Variants in ZCCHC8 observed in about 807,000 individuals in gnomAD.
The protein encoded by ZCCHC8 is zinc finger CCHC domain-containing protein 8.
A neutral mutation model predicts 70.6 loss-of-function variants in ZCCHC8; 27 were observed. The observed-to-expected ratio is 0.38, with a 90% CI of 0.28 to 0.53. The LOEUF is 0.53. Ranked by LOEUF, ZCCHC8 falls within the 20% of genes least tolerant of loss-of-function variation. ZCCHC8 has a pLI of 0.81. For synonymous variants in ZCCHC8, 293 were observed against 317.4 expected (o/e 0.92, Z 0.82); for missense variants, 737 against 876.9 (o/e 0.84, Z 2.01).
intron 13 of ZCCHC8, among the ~76,000 whole-genome samples, chr12:122,476,817 G>A (rs1957427323): frequency 6.6e-6 from 1 of 152,038 alleles, no homozygotes; most frequent in Non-Finnish European, 1.5e-5. Context: ...GAGGTCAGGA[G>A]CTCAAGACCA....
Position 122,483,051 on chromosome 12 carries a change from A to G in ZCCHC8, c.671+228T>C, listed in dbSNP as rs1957567194. 4 of 557,034 alleles carry G rather than the reference A, an allele frequency of 7.2e-6. No individual in the cohort carries two copies. The highest frequency in any genetic ancestry group is 3.0e-5 in the East Asian group (1 of 33,674). 34.5% of individuals were successfully genotyped at this position (557,034 alleles called of 1,614,324 possible). ...GACTGCAATCAAATTGACAGCAACA[A>G]TTATACCTTTCCACCCACCCAGGCA... On this transcript the variant is annotated intron_variant, in intron 7 of 13. Transcript: ENST00000633063. The surrounding 1 kb of genome is among the most constrained non-coding windows in gnomAD (Gnocchi z 4.4).
chr12:122,488,381 T>C (rs1330521885), intron 5 of ZCCHC8, among the ~76,000 whole-genome samples: 1 of 151,992 alleles, frequency 6.6e-6, no homozygotes, highest in Non-Finnish European at 1.5e-5. Flanking sequence ...GTTCTGGCTA[T>C]GTTGCCCAGG....
At chr12:122,490,237 C>T (rs899077364) in intron 4 of ZCCHC8, among the ~76,000 whole-genome samples, 4 of 151,974 alleles carry the variant, frequency 2.6e-5, no homozygotes, top group African/African-American at 9.7e-5. Flanking sequence ...AATTTTCTAC[C>T]CAAAACCACA....
At chr12:122,495,847 C>CAAAAAAAAAAAAAAA (rs538311699) in intron 2 of ZCCHC8, among the ~76,000 whole-genome samples, 1 of 78,320 alleles carries the variant, frequency 1.3e-5, no homozygotes. Context: ...CACTCTGTCT[C>CAAAAAAAAAAAAAAA]AAAAAAAAAA....
chr12:122,491,353 A>G (rs933826418), intron 3 of ZCCHC8, among the ~76,000 whole-genome samples: 23 of 152,074 alleles, frequency 1.5e-4, no homozygotes, highest in African/African-American at 5.1e-4. Flanking sequence ...ACATGGCGAA[A>G]CCCTGTCTCT....
rs1274770725 is a variant in ZCCHC8 at position 122,498,882 on chromosome 12, TAAGG to T, written c.200-17_200-14del. ...TTAAGTTCTTGATGTTATTATTTGT[TAAGG>T]AAGATAAGCCCTCATTTAACAATGC... On this transcript the variant is annotated splice_polypyrimidine_tract_variant and intron_variant, in intron 1 of 13. Coordinates refer to ENST00000633063, the MANE Select transcript of ZCCHC8 (RefSeq NM_017612.5). 2 of 1,610,490 alleles carry T rather than the reference TAAGG, an allele frequency of 1.2e-6. No individual in the cohort carries two copies. The highest frequency in any genetic ancestry group is 1.7e-6 in the Non-Finnish European group (2 of 1,177,106).
In ZCCHC8 at chr12:122,500,416, C is replaced by T; in HGVS notation, c.199+226G>A. 1.7e-6 allele frequency: 1 copy of T among 598,130 alleles called. No homozygotes were observed. The highest frequency in any genetic ancestry group is 4.6e-4 in the Middle Eastern group (1 of 2,170). 37.1% of individuals were successfully genotyped at this position (598,130 alleles called of 1,614,324 possible). On this transcript the variant is annotated intron_variant, in intron 1 of 13. Transcript: ENST00000633063. The surrounding 1 kb of genome is among the most constrained non-coding windows in gnomAD (Gnocchi z 4.8). Reference sequence around the variant, plus strand: ...GGTGGGAGGCAGGAGTGGGTCTGGTCAGGAGACGGCCTCCCTGAGGGGAAG... The same window carrying T: ...GGTGGGAGGCAGGAGTGGGTCTGGTTAGGAGACGGCCTCCCTGAGGGGAAG...
Position 122,495,198 on chromosome 12 carries a change from A to G in ZCCHC8, c.243-2409T>C, listed in dbSNP as rs548780768. Among the ~76,000 whole-genome samples, 12 of 152,312 alleles carry G rather than the reference A, an allele frequency of 7.9e-5. No individual in the cohort carries two copies. In the South Asian group the frequency reaches 2.3e-3, roughly 29 times the overall value. On this transcript the variant is annotated intron_variant, in intron 2 of 13. Coordinates refer to ENST00000633063, the MANE Select transcript of ZCCHC8 (RefSeq NM_017612.5). ...ATTTTTTGTATATTTTCACAATAAAAGTAGAAGAAGGCCAGGGAAAGTAGC... is the reference window on the plus strand; with the variant it reads ...ATTTTTTGTATATTTTCACAATAAAGGTAGAAGAAGGCCAGGGAAAGTAGC...
Position 122,474,064 on chromosome 12 carries a change from T to A in ZCCHC8, c.1557A>T (p.Glu519Asp). 3.9e-6 allele frequency: 6 copies of A among 1,524,568 alleles called. No homozygotes were observed. Among genetic ancestry groups the A allele is most frequent in the Non-Finnish European group, 5.3e-6 (6 of 1,139,068 alleles). The allele number at this position is 1,524,568 out of a possible 1,614,324, so 94.4% of individuals were successfully genotyped here. The change falls in exon 14 of 14, where the codon GAA becomes GAT. Residue 519 changes from glutamate to aspartate, a missense_variant. Transcript: ENST00000633063. Reference protein sequence around the residue: ...AVDEDALTLEELEEQQRRIWA... With the variant: ...AVDEDALTLEDLEEQQRRIWA... Reference sequence around the variant, plus strand: ...AGATCCGCCTCTGCTGTTCTTCAAGTTCTTCTAGAGTCAGTGCGTCCTCAT... The same window carrying A: ...AGATCCGCCTCTGCTGTTCTTCAAGATCTTCTAGAGTCAGTGCGTCCTCAT...
At chr12:122,499,916 C>T (rs1461361800) in intron 1 of ZCCHC8, 1 of 151,962 alleles carries the variant, frequency 6.6e-6, no homozygotes, top group African/African-American at 2.4e-5. Flanking sequence ...GGAAAACTAC[C>T]CGAACCAAAG....
At position 122,500,399 on chromosome 12, in the gene ZCCHC8, G is replaced by C. The variant is rs1957903775; in HGVS notation, c.199+243C>G. On this transcript the variant is annotated intron_variant, in intron 1 of 13. Transcript: ENST00000633063. The surrounding 1 kb of genome is among the most constrained non-coding windows in gnomAD (Gnocchi z 4.8). ...CCTAAACACGGCACCCGGGTGGGAG[G>C]CAGGAGTGGGTCTGGTCAGGAGACG... 1 of 542,680 alleles carries C rather than the reference G, an allele frequency of 1.8e-6. No homozygotes were observed. The highest frequency in any genetic ancestry group is 3.4e-5 in the Admixed American group (1 of 29,548). 33.6% of individuals were successfully genotyped at this position (542,680 alleles called of 1,614,324 possible).
Position 122,477,935 on chromosome 12 carries a change from CTT to C in ZCCHC8, c.1249_1250del (p.Lys417GlufsTer7). The C allele has an allele frequency of 1.2e-6, 2 of 1,613,950 alleles. No homozygotes were observed. Among genetic ancestry groups the C allele is most frequent in the Non-Finnish European group, 1.7e-6 (2 of 1,179,848 alleles). On this transcript the variant is annotated frameshift_variant, in exon 13 of 14. Transcript: ENST00000633063. LOFTEE classifies it high-confidence loss of function. Reference protein sequence around the residue: ...FQAPGVKSGNKRSSSHSSPGS... With the variant: ...FQAPGVKSGNXRSSSHSSPGS... ...CTGGGCTAGAGTGAGATGAAGACCTCTTGTTGCCAGACTTCACACCTGGCTAA... is the reference window on the plus strand; with the variant it reads ...CTGGGCTAGAGTGAGATGAAGACCTCGTTGCCAGACTTCACACCTGGCTAA...
chr12:122,485,783 G>A (rs1286200407), intron 5 of ZCCHC8, among the ~76,000 whole-genome samples: 1 of 151,134 alleles, frequency 6.6e-6, no homozygotes, highest in African/African-American at 2.4e-5. Flanking sequence ...CCATTCTCCC[G>A]CCTCAGCCTC....
Position 122,483,416 on chromosome 12 carries a change from A to AAACAATTTAAAG in ZCCHC8, c.605+43_605+44insCTTTAAATTGTT. On this transcript the variant is annotated intron_variant, in intron 6 of 13. Transcript: ENST00000633063. The surrounding 1 kb of genome is among the most constrained non-coding windows in gnomAD (Gnocchi z 4.4). Reference sequence around the variant, plus strand: ...TGGAAATTGTTTTAAAGGTGAACTTAGTGGCAAGATGCATAAAAGATCTTC... The same window carrying AAACAATTTAAAG: ...TGGAAATTGTTTTAAAGGTGAACTTAAACAATTTAAAGGTGGCAAGATGCATAAAAGATCTTC... The AAACAATTTAAAG allele has an allele frequency of 6.4e-7, 1 of 1,570,030 alleles. No individual in the cohort carries two copies. The highest frequency in any genetic ancestry group is 8.7e-7 in the Non-Finnish European group (1 of 1,155,136).
chr12:122,492,427 CA>C (rs1957763611), intron 3 of ZCCHC8, among the ~76,000 whole-genome samples: 1 of 152,148 alleles, frequency 6.6e-6, no homozygotes, highest in Admixed American at 6.5e-5. Flanking sequence ...GTAGCTACCC[CA>C]TAGGTAGTTA....
intron 3 of ZCCHC8, chr12:122,492,381 T>A (rs1293756315): frequency 1.0e-5 from 2 of 199,482 alleles, no homozygotes; most frequent in Non-Finnish European, 2.0e-5. Flanking sequence ...ATGATTTTTA[T>A]TAGAAGCTAT....
chr12:122,481,377 AT>A (rs1219598464), intron 10 of ZCCHC8, 144 bp downstream of exon 10: 1 of 1,121,358 alleles, frequency 8.9e-7, no homozygotes, highest in East Asian at 2.5e-5. Flanking sequence ...TCCTTGTAAA[AT>A]TTACCAAGGA....
At chr12:122,492,860 T>C (rs1174251635) in intron 2 of ZCCHC8, 71 bp from the exon 3 acceptor site, 6 of 1,036,668 alleles carry the variant, frequency 5.8e-6, no homozygotes, top group Non-Finnish European at 8.6e-6. Flanking sequence ...TATAAACGCA[T>C]AACTTTTATA....
chr12:122,478,657 CACTT>C (rs1385322073), intron 11 of ZCCHC8: 2 of 181,926 alleles, frequency 1.1e-5, no homozygotes, highest in African/African-American at 4.8e-5. Context: ...TCTCCTAACA[CACTT>C]ACTCATGAGT....
Sources: gnomAD v4.1 joint callset for allele counts (sites outside exome capture counted in the v4.1 genomes callset) on GRCh38, gnomAD v4.1.1 for gene constraint, Gnocchi (gnomAD v3.1) non-coding constraint, MANE v1.5 for transcripts, NCBI Gene and HGNC (gene_info 2026-07-23, HGNC 2026-07-21) for gene names.